POU2F3: variants seen among roughly 807,000 people sequenced by gnomAD.
The protein encoded by POU2F3 is POU domain, class 2, transcription factor 3.
In POU2F3, 23 loss-of-function variants were observed where a neutral mutation model predicts 59.2. That is an observed-to-expected ratio of 0.39 (90% CI 0.28 to 0.55). The LOEUF (loss-of-function observed/expected upper bound fraction) is 0.55, where lower values mean the gene tolerates loss of function less well. Among genes scored for constraint, POU2F3 ranks in the 20% least tolerant of loss-of-function variants. The probability of loss-of-function intolerance (pLI) is 0.66; values close to 1 mark genes in which losing one functional copy is unlikely to be tolerated. For synonymous variants in POU2F3, 190 were observed against 214.6 expected, an observed-to-expected ratio of 0.89 and a Z score of 1.00; for missense variants, 473 against 544.5, an observed-to-expected ratio of 0.87 and a Z score of 1.31.
chr11:120,314,725 G>A (rs573190652), intron 10 of POU2F3, among the ~76,000 whole-genome samples: 2 of 152,142 alleles, frequency 1.3e-5, no homozygotes, highest in African/African-American at 2.4e-5. Context: ...TGAGGGGGAG[G>A]TTCCTGAATT....
intron 3 of POU2F3, among the ~76,000 whole-genome samples, chr11:120,273,404 G>A (rs903003714): frequency 1.3e-5 from 2 of 152,196 alleles, no homozygotes; most frequent in African/African-American, 2.4e-5. Context: ...TGGGTGGTGA[G>A]GGAAGAGTAG....
At chr11:120,250,037 G>A (rs1031262464) in intron 2 of POU2F3, 5 of 152,180 alleles carry the variant, frequency 3.3e-5, no homozygotes, top group Admixed American at 6.5e-5. Flanking sequence ...CCATAGAGGC[G>A]GGGTTTGGAG....
rs1045358605 is a variant in POU2F3, at chr11:120,269,147, T to C, written c.98-63T>C. 5.1e-6 allele frequency: 7 copies of C among 1,361,488 alleles called. No individual in the cohort carries two copies. In the African/African-American group the frequency reaches 1.0e-4, roughly 20 times the overall value. 84.3% of individuals were successfully genotyped at this position (1,361,488 alleles called of 1,614,324 possible). ...ACGCCTCTCAACATCCTAGTTTTTT[T>C]CTAACCTTCAGCTCTTCCAAACCTG... On this transcript the variant is annotated intron_variant, in intron 2 of 12. Transcript: ENST00000543440.
intron 3 of POU2F3, among the ~76,000 whole-genome samples, chr11:120,282,128 C>G (rs994964505): frequency 2.6e-5 from 4 of 152,162 alleles, no homozygotes; most frequent in Admixed American, 1.3e-4. Flanking sequence ...CTCAGATTCC[C>G]CCAACTGCTG....
At position 120,292,337 on chromosome 11, in the gene POU2F3, C is replaced by A. The variant is rs115230503; in HGVS notation, c.133-5928C>A. On this transcript the variant is annotated intron_variant, in intron 3 of 12. Coordinates refer to ENST00000543440, the MANE Select transcript of POU2F3 (RefSeq NM_014352.4). ...GCAAAGTCCTTCCCTGATAAGCAGC[C>A]CAGGGATATGTTAAAAAACAAAAAA... Among the ~76,000 whole-genome samples the A allele has an allele frequency of 6.7e-3, 1,011 of 150,966 alleles. 8 individuals carry two copies. The highest frequency in any genetic ancestry group is 0.011 in the Non-Finnish European group (757 of 67,940).
chr11:120,257,210 G>C lies in POU2F3; in HGVS notation c.97+10693G>C, dbSNP rs544466975. Reference sequence around the variant, plus strand: ...CCCTATTTTCCTATTTTATAGGGGAGGAGACTGGGGTCAGAGAAGGGGGAT... The same window carrying C: ...CCCTATTTTCCTATTTTATAGGGGACGAGACTGGGGTCAGAGAAGGGGGAT... On this transcript the variant is annotated intron_variant, in intron 2 of 12. Transcript: ENST00000543440. Among the ~76,000 whole-genome samples the C allele has an allele frequency of 2.6e-5, 4 of 152,312 alleles. No homozygotes were observed. The South Asian group carries it at 6.2e-4, about 24-fold the overall frequency.
At chr11:120,309,659 G>A in intron 10 of POU2F3, 73 bp downstream of exon 10, 3 of 1,527,258 alleles carry the variant, frequency 2.0e-6, no homozygotes, top group Middle Eastern at 1.8e-4. Flanking sequence ...GGTGGTGGCT[G>A]CAGGGAAGAG....
At chr11:120,307,658 C>T in intron 9 of POU2F3, 43 bp downstream of exon 9, 1 of 1,610,576 alleles carries the variant, frequency 6.2e-7, no homozygotes, top group Non-Finnish European at 8.5e-7. Context: ...CTACCTCACA[C>T]AGGTAGGGAG....
chr11:120,317,591 C>G (rs1359445440), intron 12 of POU2F3, among the ~76,000 whole-genome samples: 2 of 152,188 alleles, frequency 1.3e-5, no homozygotes, highest in African/African-American at 4.8e-5. Context: ...GAGCTGATGT[C>G]AACAAAGTCA....
At position 120,309,574 on chromosome 11, in the gene POU2F3, C is replaced by T; in HGVS notation, c.1056C>T (p.Tyr352=). The part of the protein sequence containing the change: ...PVATPIKPPV[Y]NSRLVSPSGS... ...CCACACCCATCAAACCACCTGTCTA[C>T]AACTCCCGGCTGGTGAGTGGCCAGG... The change falls in exon 10 of 13, where the codon TAC becomes TAT. Residue 352 remains tyrosine (Y), a synonymous_variant. Transcript: ENST00000543440. 6.2e-7 allele frequency: 1 copy of T among 1,613,566 alleles called. No homozygotes were observed. The highest frequency in any genetic ancestry group is 1.1e-5 in the South Asian group (1 of 91,050).
chr11:120,299,665 T>C lies in POU2F3; in HGVS notation c.300T>C (p.Val100=). Residue 100 remains valine (V), a synonymous_variant, in exon 5 of 13, where the codon GTT becomes GTC. Coordinates refer to ENST00000543440, the MANE Select transcript of POU2F3 (RefSeq NM_014352.4). ...ATCCGCTCCAGCAGCTTGTGCTGGT[T>C]CCCGGCCACTTACAGTCTGTATCCC... ...SLHPLQQLVL[V]PGHLQSVSQF... 1.2e-6 allele frequency: 2 copies of C among 1,613,930 alleles called. No homozygotes were observed. The highest frequency in any genetic ancestry group is 1.7e-6 in the Non-Finnish European group (2 of 1,180,012).
chr11:120,297,935 TA>T (rs1166237787), intron 3 of POU2F3, among the ~76,000 whole-genome samples: 3 of 145,002 alleles, frequency 2.1e-5, no homozygotes, highest in Non-Finnish European at 3.0e-5. Context: ...CATGCCTGGC[TA>T]TTTTTTTTTT....
chr11:120,243,056 G>C (rs1938729407), intron 1 of POU2F3, among the ~76,000 whole-genome samples: 1 of 152,184 alleles, frequency 6.6e-6, no homozygotes, highest in African/African-American at 2.4e-5. Flanking sequence ...GAGTCTCACA[G>C]ACGGGTGCCA....
intron 3 of POU2F3, among the ~76,000 whole-genome samples, chr11:120,282,286 G>A (rs926939705): frequency 6.6e-6 from 1 of 152,152 alleles, no homozygotes; most frequent in Non-Finnish European, 1.5e-5. Flanking sequence ...CTAACAGGGT[G>A]GTTTTTGAAA....
intron 5 of POU2F3, among the ~76,000 whole-genome samples, chr11:120,300,105 A>G (rs1941305843): frequency 1.3e-5 from 2 of 152,192 alleles, no homozygotes; most frequent in Admixed American, 6.5e-5. Flanking sequence ...ACAGATTCAG[A>G]CTTGCTTCCT....
chr11:120,307,711 C>G, intron 9 of POU2F3, 96 bp downstream of exon 9: 1 of 1,460,958 alleles, frequency 6.8e-7, no homozygotes, highest in Non-Finnish European at 9.4e-7. Flanking sequence ...CCCTCCGCAC[C>G]TCACACCTGC....
chr11:120,270,837 C>T lies in POU2F3; in HGVS notation c.132+1593C>T, dbSNP rs148465875. ...CCTCCCAAGCAGCTGGGATCACAGG[C>T]ATGCACCACCACGCTTGGCTAATTT... On this transcript the variant is annotated intron_variant, in intron 3 of 12. Coordinates refer to ENST00000543440, the MANE Select transcript of POU2F3 (RefSeq NM_014352.4). Among the ~76,000 whole-genome samples the T allele has an allele frequency of 3.0e-3, 451 of 152,202 alleles. 1 individual carries two copies. The highest frequency in any genetic ancestry group is 6.8e-3 in the Middle Eastern group (2 of 294).
intron 3 of POU2F3, among the ~76,000 whole-genome samples, chr11:120,295,045 C>T (rs1366322545): frequency 6.6e-6 from 1 of 152,020 alleles, no homozygotes. Flanking sequence ...AAACTTACAC[C>T]CAAAGGGCTT....
intron 3 of POU2F3, among the ~76,000 whole-genome samples, chr11:120,271,116 AT>A (rs1209355935): frequency 6.6e-6 from 1 of 152,224 alleles, no homozygotes; most frequent in Non-Finnish European, 1.5e-5. Context: ...CTGCAGTTTT[AT>A]TCATCAGGAA....
Sources: allele counts gnomAD v4.1 joint callset (sites outside exome capture counted in the v4.1 genomes callset), GRCh38; gene constraint gnomAD v4.1.1; transcripts MANE v1.5; gene names NCBI Gene and HGNC (gene_info 2026-07-23, HGNC 2026-07-21).